Variants in CYFIP2 observed in about 807,000 individuals in gnomAD.
CYFIP2 encodes the protein cytoplasmic FMR1-interacting protein 2.
A neutral mutation model predicts 158.7 loss-of-function variants in CYFIP2; 29 were observed. That is an observed-to-expected ratio of 0.18 (90% CI 0.14 to 0.25). The LOEUF (loss-of-function observed/expected upper bound fraction) is 0.25. Ranked by LOEUF, CYFIP2 falls within the 10% of genes least tolerant of loss-of-function variation. The probability of loss-of-function intolerance (pLI) is 1.00; values close to 1 mark genes in which losing one functional copy is unlikely to be tolerated. For synonymous variants in CYFIP2, 585 were observed against 617.6 expected, an observed-to-expected ratio of 0.95 and a Z score of 0.78; for missense variants, 852 against 1,639.5, an observed-to-expected ratio of 0.52 and a Z score of 8.29.
At position 157,280,520 on chromosome 5, in the gene CYFIP2, G is replaced by A. The variant is rs188237612; in HGVS notation, c.-23-4819G>A. The stretch of plus-strand genomic sequence containing the variant: ...ATTACAGGCGTGAGCCACCACACCC[G>A]TCTGTAAATGAGTATTTTTTAAGTT... On this transcript the variant is annotated intron_variant, in intron 1 of 30. Transcript: ENST00000620254. Among the ~76,000 whole-genome samples, 21 of 151,990 alleles carry A rather than the reference G, an allele frequency of 1.4e-4. No homozygotes were observed. The East Asian group carries it at 3.9e-3, about 28-fold the overall frequency.
intron 21 of CYFIP2, among the ~76,000 whole-genome samples, chr5:157,333,771 A>G (rs1022650681): frequency 6.6e-6 from 1 of 152,162 alleles, no homozygotes; most frequent in African/African-American, 2.4e-5. Context: ...ATTGCACAAG[A>G]GGGTTGGCTT....
At chr5:157,384,245 A>C (rs1365606038) in intron 28 of CYFIP2, 1 of 456,450 alleles carries the variant, frequency 2.2e-6, no homozygotes, top group Non-Finnish European at 4.4e-6. Flanking sequence ...AGGGAGCAGG[A>C]AGGAAGAGAA....
chr5:157,389,143 G>T lies in CYFIP2; in HGVS notation c.3208-46G>T, dbSNP rs777148145. On this transcript the variant is annotated intron_variant, in intron 28 of 30. Transcript: ENST00000620254. ...AATCTGTGGTGGGAGGTGGCAGATG[G>T]GCTCTAAGATGTGGATAGAAGGTGT... The T allele has an allele frequency of 3.4e-5, 52 of 1,526,582 alleles. 1 individual carries two copies. The African/African-American group carries it at 5.8e-4, about 17-fold the overall frequency. The allele number at this position is 1,526,582 out of a possible 1,614,324, so 94.6% of individuals were successfully genotyped here. A position where few individuals can be genotyped will look rare whatever the true frequency, so the allele number is the denominator to read the frequency against.
chr5:157,372,397 A>G (rs746414132), intron 26 of CYFIP2, among the ~76,000 whole-genome samples: 4 of 152,200 alleles, frequency 2.6e-5, no homozygotes, highest in Non-Finnish European at 4.4e-5. Flanking sequence ...CTGTACATCA[A>G]GGTTATAAGG....
chr5:157,300,876 T>C lies in CYFIP2; in HGVS notation c.549T>C (p.Asn183=). The change falls in exon 6 of 31, where the codon AAT becomes AAC. Residue 183 remains asparagine, a synonymous_variant. Transcript: ENST00000620254. ...AGAACATGAAGTGCAGCGTCAAGAA[T>C]GACCACTCTGCCTACAAGAGGTCAG... ...ELKNMKCSVK[N]DHSAYKRAAQ... The C allele has an allele frequency of 6.3e-7, 1 of 1,596,522 alleles. No homozygotes were observed. The highest frequency in any genetic ancestry group is 8.6e-7 in the Non-Finnish European group (1 of 1,169,148).
intron 25 of CYFIP2, among the ~76,000 whole-genome samples, chr5:157,360,703 A>G (rs561472227): frequency 6.6e-5 from 10 of 152,312 alleles, no homozygotes; most frequent in Admixed American, 3.3e-4. Context: ...CTCTTCCTCC[A>G]TCTGCATATT....
At chr5:157,317,802 A>G (rs1009721695) in intron 13 of CYFIP2, among the ~76,000 whole-genome samples, 2 of 152,250 alleles carry the variant, frequency 1.3e-5, no homozygotes, top group Non-Finnish European at 2.9e-5. Flanking sequence ...AACAAAATGT[A>G]AAACTCCTTA....
intron 22 of CYFIP2, 29 bp from the exon 23 acceptor site, chr5:157,341,041 A>T: frequency 6.2e-7 from 1 of 1,600,178 alleles, no homozygotes; most frequent in Non-Finnish European, 8.6e-7. Context: ...GACCATATTA[A>T]CTCTTTCCCA....
intron 26 of CYFIP2, among the ~76,000 whole-genome samples, chr5:157,374,469 T>TC (rs887026165): frequency 4.6e-5 from 7 of 151,832 alleles, no homozygotes; most frequent in Middle Eastern, 6.8e-3. Context: ...GGTAATAAAC[T>TC]CCCCCCATAC....
intron 2 of CYFIP2, among the ~76,000 whole-genome samples, chr5:157,286,800 C>T (rs1757431583): frequency 6.6e-6 from 1 of 152,066 alleles, no homozygotes; most frequent in African/African-American, 2.4e-5. Flanking sequence ...AACCTGATTA[C>T]TGATGGGAAG....
intron 10 of CYFIP2, 143 bp downstream of exon 10, chr5:157,309,977 G>T: frequency 1.3e-6 from 1 of 775,386 alleles, no homozygotes; most frequent in South Asian, 1.7e-5. Flanking sequence ...GGCCGGAGGG[G>T]AGCCGCGAGG....
chr5:157,284,280 T>A (rs1298128641), intron 1 of CYFIP2, among the ~76,000 whole-genome samples: 1 of 152,214 alleles, frequency 6.6e-6, no homozygotes, highest in East Asian at 1.9e-4. Context: ...CATGTATTAG[T>A]GCTTTCCATC....
chr5:157,369,337 CA>C (rs1764753486), intron 26 of CYFIP2, among the ~76,000 whole-genome samples: 1 of 152,048 alleles, frequency 6.6e-6, no homozygotes, highest in Non-Finnish European at 1.5e-5. Context: ...AGCTTAGATA[CA>C]AAATAGAGTG....
intron 1 of CYFIP2, among the ~76,000 whole-genome samples, chr5:157,284,449 A>G (rs1204359895): frequency 6.6e-6 from 1 of 152,246 alleles, no homozygotes; most frequent in Non-Finnish European, 1.5e-5. Context: ...TAATAAGTGA[A>G]TGTGACTTGT....
chr5:157,367,895 CA>C (rs1440237205), intron 26 of CYFIP2, among the ~76,000 whole-genome samples: 1 of 151,912 alleles, frequency 6.6e-6, no homozygotes, highest in Non-Finnish European at 1.5e-5. Context: ...GCTGGGATTA[CA>C]GGCATGCACC....
chr5:157,269,697 T>C (rs1755919043), intron 1 of CYFIP2: 1 of 152,208 alleles, frequency 6.6e-6, no homozygotes, highest in Admixed American at 6.5e-5. Flanking sequence ...AAACAATTTA[T>C]TAATTATATA....
chr5:157,375,154 G>A (rs955917954), intron 26 of CYFIP2, among the ~76,000 whole-genome samples: 5 of 152,170 alleles, frequency 3.3e-5, no homozygotes, highest in African/African-American at 4.8e-5. Flanking sequence ...ACACAGTGAG[G>A]TTGATATTAA....
chr5:157,315,097 A>G lies in CYFIP2; in HGVS notation c.1356+3A>G. 2 of 1,613,618 alleles carry G rather than the reference A, an allele frequency of 1.2e-6. No individual in the cohort carries two copies. Among genetic ancestry groups the G allele is most frequent in the Non-Finnish European group, 8.5e-7 (1 of 1,179,766 alleles). ...AGGAAAAATTTGCCTTCGTTGAGGT[A>G]GGTGCAGACTCCCTGCATCTCCCTC... On this transcript the variant is annotated splice_donor_region_variant and intron_variant, in intron 13 of 30. Transcript: ENST00000620254.
At chr5:157,388,965 C>T (rs1296767328) in intron 28 of CYFIP2, among the ~76,000 whole-genome samples, 1 of 152,198 alleles carries the variant, frequency 6.6e-6, no homozygotes, top group Non-Finnish European at 1.5e-5. Flanking sequence ...AATTAATCCG[C>T]TACTGATGGT....
Sources: gnomAD v4.1 joint callset for allele counts (sites outside exome capture counted in the v4.1 genomes callset) on GRCh38, gnomAD v4.1.1 for gene constraint, MANE v1.5 for transcripts, NCBI Gene and HGNC (gene_info 2026-07-23, HGNC 2026-07-21) for gene names.